NRG3: variants seen among roughly 807,000 people sequenced by gnomAD.
NRG3 encodes pro-neuregulin-3, membrane-bound isoform.
Under a neutral mutation model 66.9 loss-of-function variants are expected in NRG3, and 31 were observed. The ratio of observed to expected loss-of-function variants is 0.46; its 90% CI spans 0.35 to 0.63. The LOEUF (loss-of-function observed/expected upper bound fraction) is 0.63. Ranked by LOEUF, NRG3 falls within the 20% of genes least tolerant of loss-of-function variation. The pLI, the probability that NRG3 is intolerant of heterozygous loss-of-function variation, is 0.00. For synonymous variants in NRG3, 393 were observed against 359.4 expected (o/e 1.09, Z -1.06); for missense variants, 910 against 878.9 (o/e 1.04, Z -0.45).
At chr10:82,492,492 A>G (rs1314502940) in intron 2 of NRG3, among the ~76,000 whole-genome samples, 2 of 152,210 alleles carry the variant, frequency 1.3e-5, no homozygotes, top group African/African-American at 4.8e-5. Context: ...CGTTAAGCTT[A>G]AATTTCCCCC....
intron 1 of NRG3, among the ~76,000 whole-genome samples, chr10:81,908,826 A>G (rs1296981769): frequency 6.6e-6 from 1 of 152,108 alleles, no homozygotes; most frequent in East Asian, 1.9e-4. Context: ...CCTAGTGTTC[A>G]CCTGAGAAGG....
intron 2 of NRG3, among the ~76,000 whole-genome samples, chr10:82,411,557 G>A (rs894782603): frequency 6.6e-6 from 1 of 152,096 alleles, no homozygotes; most frequent in Non-Finnish European, 1.5e-5. Context: ...CCACTCCTTA[G>A]TTGTTCTTTG....
At chr10:81,943,002 A>T (rs1375029724) in intron 1 of NRG3, among the ~76,000 whole-genome samples, 1 of 152,176 alleles carries the variant, frequency 6.6e-6, no homozygotes, top group Non-Finnish European at 1.5e-5. Context: ...TTTTCTCCCT[A>T]TAACCTCTAT....
chr10:82,270,777 A>G (rs2078551558), intron 1 of NRG3, among the ~76,000 whole-genome samples: 3 of 152,106 alleles, frequency 2.0e-5, no homozygotes, highest in South Asian at 2.1e-4. Context: ...AGTGAGCAGT[A>G]TCTACTGTAG....
chr10:82,093,984 A>G (rs1174995438), intron 1 of NRG3, among the ~76,000 whole-genome samples: 2 of 152,206 alleles, frequency 1.3e-5, no homozygotes, highest in African/African-American at 2.4e-5. Context: ...AAGCCTCTTC[A>G]TAGTTAACAA....
At chr10:82,936,769 TAA>T (rs1259576513) in intron 4 of NRG3, among the ~76,000 whole-genome samples, 1 of 152,016 alleles carries the variant, frequency 6.6e-6, no homozygotes, top group East Asian at 1.9e-4. Context: ...TTAAAAAAAT[TAA>T]AAAGACACTA....
At chr10:82,444,142 G>A (rs763019477) in intron 2 of NRG3, among the ~76,000 whole-genome samples, 20 of 152,032 alleles carry the variant, frequency 1.3e-4, no homozygotes, top group Non-Finnish European at 2.2e-4. Flanking sequence ...TTGCTCTATC[G>A]CCCAGGCTGG....
intron 1 of NRG3, among the ~76,000 whole-genome samples, chr10:81,932,250 G>C (rs1847443055): frequency 6.8e-6 from 1 of 146,166 alleles, no homozygotes; most frequent in Non-Finnish European, 1.5e-5. Context: ...AGAGAGAGGA[G>C]AGAGAGAGAG....
chr10:82,725,950 G>C (rs2057573462), intron 2 of NRG3, among the ~76,000 whole-genome samples: 1 of 152,082 alleles, frequency 6.6e-6, no homozygotes. Flanking sequence ...ACTGTATTTG[G>C]AGATAGGATC....
chr10:82,525,797 C>T (rs1846638449), intron 2 of NRG3, among the ~76,000 whole-genome samples: 1 of 151,888 alleles, frequency 6.6e-6, no homozygotes, highest in Non-Finnish European at 1.5e-5. Context: ...ATGATTACTA[C>T]TTTTATGAAA....
chr10:82,253,188 T>C (rs2077565053), intron 1 of NRG3, among the ~76,000 whole-genome samples: 1 of 152,218 alleles, frequency 6.6e-6, no homozygotes, highest in Non-Finnish European at 1.5e-5. Context: ...ACTATCTGGT[T>C]AGTTCAAATA....
rs534390012 is a variant in NRG3, at chr10:82,228,062, G to A, written c.824-130677G>A. Among the ~76,000 whole-genome samples the A allele has an allele frequency of 9.8e-4, 149 of 152,260 alleles. 1 individual carries two copies. The highest frequency in any genetic ancestry group is 1.8e-3 in the Admixed American group (28 of 15,292). Reference sequence around the variant, plus strand: ...GAGGCCCCTACTTGTATATTCAGATGAGAATATCAACAGGGCCTTCCTCAC... The same window carrying A: ...GAGGCCCCTACTTGTATATTCAGATAAGAATATCAACAGGGCCTTCCTCAC... On this transcript the variant is annotated intron_variant, in intron 1 of 8. Coordinates refer to ENST00000372141, the MANE Select transcript of NRG3 (RefSeq NM_001010848.4).
intron 1 of NRG3, among the ~76,000 whole-genome samples, chr10:82,040,581 A>G (rs1012213245): frequency 2.6e-5 from 4 of 152,002 alleles, no homozygotes; most frequent in African/African-American, 9.7e-5. Context: ...AAAGCAGAAC[A>G]TTTGGCGGAT....
intron 1 of NRG3, among the ~76,000 whole-genome samples, chr10:82,249,674 G>A (rs2077397934): frequency 6.6e-6 from 1 of 152,192 alleles, no homozygotes; most frequent in Admixed American, 6.5e-5. Flanking sequence ...ACCCACACTT[G>A]CTTCTGAATG....
chr10:82,540,064 G>T (rs1210778824), intron 2 of NRG3, among the ~76,000 whole-genome samples: 1 of 151,958 alleles, frequency 6.6e-6, no homozygotes, highest in East Asian at 1.9e-4. Context: ...TTTGCTCTAA[G>T]AAGACAAACA....
At chr10:82,421,459 T>G (rs1448569661) in intron 2 of NRG3, among the ~76,000 whole-genome samples, 1 of 151,964 alleles carries the variant, frequency 6.6e-6, no homozygotes, top group Non-Finnish European at 1.5e-5. Context: ...GCATGACACA[T>G]GGAAGCTTAT....
intron 2 of NRG3, among the ~76,000 whole-genome samples, chr10:82,640,133 A>G (rs1372919400): frequency 6.6e-6 from 1 of 152,240 alleles, no homozygotes; most frequent in Non-Finnish European, 1.5e-5. Context: ...AGCAAATACC[A>G]TTTGACACAG....
chr10:82,865,398 G>A lies in NRG3; in HGVS notation c.1028-13G>A, dbSNP rs888616837. The A allele has an allele frequency of 6.2e-6, 10 of 1,612,406 alleles. No individual in the cohort carries two copies. The highest frequency in any genetic ancestry group is 7.6e-6 in the Non-Finnish European group (9 of 1,179,188). On this transcript the variant is annotated splice_polypyrimidine_tract_variant and intron_variant, in intron 3 of 8. Coordinates refer to ENST00000372141, the MANE Select transcript of NRG3 (RefSeq NM_001010848.4). ...TTTCTCTTCCCCTTCCTTCCATGCT[G>A]ACTTTGGTGTAGCAGACCACTTGGG...
chr10:82,092,761 A>G (rs964466930), intron 1 of NRG3, among the ~76,000 whole-genome samples: 4 of 152,178 alleles, frequency 2.6e-5, no homozygotes, highest in African/African-American at 4.8e-5. Flanking sequence ...TTGGGGAAAA[A>G]GTCAGGGCAT....
Sources: allele counts gnomAD v4.1 joint callset (sites outside exome capture counted in the v4.1 genomes callset), GRCh38; gene constraint gnomAD v4.1.1; transcripts MANE v1.5; gene names NCBI Gene and HGNC (gene_info 2026-07-23, HGNC 2026-07-21).